SATB1: variants seen among roughly 807,000 people sequenced by gnomAD.
The protein encoded by SATB1 is DNA-binding protein SATB1.
In SATB1, 11 loss-of-function variants were observed where a neutral mutation model predicts 86.9. The ratio of observed to expected loss-of-function variants is 0.13; its 90% CI spans 0.08 to 0.21. The LOEUF (loss-of-function observed/expected upper bound fraction) is 0.21, where lower values mean the gene tolerates loss of function less well. Among genes scored for constraint, SATB1 ranks in the 10% least tolerant of loss-of-function variants. The probability of loss-of-function intolerance (pLI) is 1.00; values close to 1 mark genes in which losing one functional copy is unlikely to be tolerated. For missense variants in SATB1, 551 were observed against 937.6 expected, an observed-to-expected ratio of 0.59 and a Z score of 5.39; for synonymous variants, 357 against 357.2, an observed-to-expected ratio of 1.00 and a Z score of 0.01.
upstream of SATB1, among the ~76,000 whole-genome samples, chr3:18,427,599 A>G (rs1340104856): frequency 6.6e-6 from 1 of 152,222 alleles, no homozygotes; most frequent in Non-Finnish European, 1.5e-5. Context: ...AATAAATAAG[A>G]CAAAATGCCA....
At chr3:18,380,110 G>C (rs187041638) in intron 8 of SATB1, among the ~76,000 whole-genome samples, 1 of 152,266 alleles carries the variant, frequency 6.6e-6, no homozygotes, top group Admixed American at 6.5e-5. Flanking sequence ...CAGAGGGATA[G>C]ATTTGATCAC....
intron 2 of SATB1, among the ~76,000 whole-genome samples, chr3:18,433,008 T>C (rs1276063217): frequency 6.6e-6 from 1 of 152,148 alleles, no homozygotes; most frequent in Non-Finnish European, 1.5e-5. Context: ...ATTAATATGA[T>C]GAATACCTGA....
chr3:18,378,767 G>T (rs1695896177), intron 8 of SATB1, among the ~76,000 whole-genome samples: 1 of 152,020 alleles, frequency 6.6e-6, no homozygotes, highest in African/African-American at 2.4e-5. Context: ...TACATACTAT[G>T]GCCTTTTTAA....
chr3:18,355,432 C>T (rs973328964), intron 9 of SATB1, among the ~76,000 whole-genome samples: 1 of 152,012 alleles, frequency 6.6e-6, no homozygotes, highest in African/African-American at 2.4e-5. Context: ...CAAATGCTTT[C>T]TAATGCTTCA....
chr3:18,431,031 T>C (rs998175155), intron 2 of SATB1, among the ~76,000 whole-genome samples: 16 of 152,134 alleles, frequency 1.1e-4, no homozygotes, highest in African/African-American at 3.6e-4. Context: ...TGGAAAAAAA[T>C]CTTTTAGCTA....
intron 9 of SATB1, chr3:18,353,005 C>T (rs562042847): frequency 3.3e-5 from 5 of 152,222 alleles, no homozygotes; most frequent in South Asian, 4.2e-4. Context: ...CCAGTCATCT[C>T]GAGTCTTCAC....
At chr3:18,440,397 A>G (rs1188379912), upstream of SATB1, among the ~76,000 whole-genome samples, 1 of 152,252 alleles carries the variant, frequency 6.6e-6, no homozygotes, top group African/African-American at 2.4e-5. Flanking sequence ...CCTATCCCCA[A>G]CCAGGAAGAG....
Position 18,444,828 on chromosome 3 carries a change from G to A in SATB1, c.-25+690C>T. On this transcript the variant is annotated intron_variant, in intron 1 of 3. Transcript: ENST00000415069. This position sits in a 1 kb window ranked among gnomAD's most constrained non-coding sequence, Gnocchi z 5.1. ...ACGAAGTGGGCGTTTAAAGGGGAGA[G>A]CGAGGCGAGGAGCGAGCGAGCGAGC... The A allele has an allele frequency of 5.0e-6, 1 of 201,630 alleles. No individual in the cohort carries two copies. The highest frequency in any genetic ancestry group is 8.7e-6 in the Non-Finnish European group (1 of 114,772). The allele number at this position is 201,630 out of a possible 1,614,324, so 12.5% of individuals were successfully genotyped here. A position where few individuals can be genotyped will look rare whatever the true frequency, so the allele number is the denominator to read the frequency against.
In SATB1 at chr3:18,424,730, A is replaced by C. The variant is rs1698584174; in HGVS notation, c.-1128T>G. 6.6e-6 allele frequency: 1 copy of C among 152,272 alleles called. No individual in the cohort carries two copies. The highest frequency in any genetic ancestry group is 1.5e-5 in the Non-Finnish European group (1 of 68,138). 9.4% of individuals were successfully genotyped at this position (152,272 alleles called of 1,614,324 possible). The stretch of plus-strand genomic sequence containing the variant: ...GGTAAACAACGAGCACCACAATGGC[A>C]CTAGGACTTTGGGGGAAAAGAAACC... On this transcript the variant is annotated 5_prime_UTR_variant, in exon 1 of 11. Transcript: ENST00000338745.
At chr3:18,409,750 T>C (rs1047489276) in intron 5 of SATB1, 1 of 152,020 alleles carries the variant, frequency 6.6e-6, no homozygotes, top group Non-Finnish European at 1.5e-5. Context: ...ATTCAAAATA[T>C]ATGATGTTTA....
At chr3:18,402,796 T>G (rs1288905215) in intron 5 of SATB1, among the ~76,000 whole-genome samples, 1 of 152,078 alleles carries the variant, frequency 6.6e-6, no homozygotes, top group Non-Finnish European at 1.5e-5. Flanking sequence ...AGCAAGAGCA[T>G]CTACAAAATG....
chr3:18,408,583 CTT>C (rs1038203068), intron 5 of SATB1: 8 of 151,766 alleles, frequency 5.3e-5, no homozygotes, highest in Non-Finnish European at 1.2e-4. Context: ...TAAAGGCTCT[CTT>C]ATGTTTTTCA....
intron 9 of SATB1, among the ~76,000 whole-genome samples, chr3:18,370,561 A>AAAAAG (rs1222795511): frequency 4.2e-5 from 6 of 142,564 alleles, no homozygotes; most frequent in South Asian, 4.5e-4. Context: ...AAGAAAAAAG[A>AAAAAG]AAAAGAAAAG....
At chr3:18,363,307 T>A (rs1232094740) in intron 9 of SATB1, among the ~76,000 whole-genome samples, 1 of 152,172 alleles carries the variant, frequency 6.6e-6, no homozygotes, top group Non-Finnish European at 1.5e-5. Context: ...TTATCCATTA[T>A]ACAAACTTGC....
At chr3:18,390,568 T>C (rs946720732) in intron 7 of SATB1, among the ~76,000 whole-genome samples, 6 of 152,172 alleles carry the variant, frequency 3.9e-5, no homozygotes, top group Admixed American at 3.3e-4. Context: ...TAAATTACAC[T>C]GTGAAGAATT....
Position 18,425,278 on chromosome 3 carries a change from A to C in SATB1, c.-1676T>G, listed in dbSNP as rs375043989. On this transcript the variant is annotated 5_prime_UTR_variant, in exon 1 of 11. Coordinates refer to ENST00000338745, the MANE Select transcript of SATB1 (RefSeq NM_002971.6). ...CTCCCGGCCGCCCGCCGCCGCCCGGAGCCTTCCCCAGCGGGGCCGGCTCAT... is the reference window on the plus strand; with the variant it reads ...CTCCCGGCCGCCCGCCGCCGCCCGGCGCCTTCCCCAGCGGGGCCGGCTCAT... 5.2e-5 allele frequency: 8 copies of C among 152,918 alleles called. No homozygotes were observed. The East Asian group carries it at 1.4e-3, about 27-fold the overall frequency. 9.5% of individuals were successfully genotyped at this position (152,918 alleles called of 1,614,324 possible).
chr3:18,395,256 T>C (rs921204073), intron 6 of SATB1, among the ~76,000 whole-genome samples: 1 of 152,226 alleles, frequency 6.6e-6, no homozygotes, highest in Non-Finnish European at 1.5e-5. Flanking sequence ...TTTTTAAAAA[T>C]GGCTTCTAAA....
intron 5 of SATB1, among the ~76,000 whole-genome samples, chr3:18,402,994 C>A (rs1697348192): frequency 6.6e-6 from 1 of 151,934 alleles, no homozygotes. Context: ...TTTTTTTCAA[C>A]CAGAACAGTC....
chr3:18,415,913 A>G lies in SATB1; in HGVS notation c.515+94T>C, dbSNP rs559005613. On this transcript the variant is annotated intron_variant, in intron 4 of 10. Coordinates refer to ENST00000338745, the MANE Select transcript of SATB1 (RefSeq NM_002971.6). The stretch of plus-strand genomic sequence containing the variant: ...TATTAACCTTTCTGAAACACAGACT[A>G]AAAAAAAATTGAAGGTCGACCAGAG... The G allele has an allele frequency of 9.1e-6, 10 of 1,097,986 alleles. No individual in the cohort carries two copies. In the African/African-American group the frequency reaches 1.6e-4, roughly 18 times the overall value. The allele number at this position is 1,097,986 out of a possible 1,614,324, so 68.0% of individuals were successfully genotyped here.
Sources: gnomAD v4.1 joint callset for allele counts (sites outside exome capture counted in the v4.1 genomes callset) on GRCh38, gnomAD v4.1.1 for gene constraint, Gnocchi (gnomAD v3.1) non-coding constraint, MANE v1.5 for transcripts, NCBI Gene and HGNC (gene_info 2026-07-23, HGNC 2026-07-21) for gene names.